The following KATNAL1 variants were observed in gnomAD, a reference collection of about 807,000 sequenced individuals.
KATNAL1 encodes katanin p60 ATPase-containing subunit A-like 1.
A neutral mutation model predicts 55.2 loss-of-function variants in KATNAL1; 32 were observed. That is an observed-to-expected ratio of 0.58 (90% CI 0.44 to 0.78). The LOEUF (loss-of-function observed/expected upper bound fraction) is 0.78, where lower values mean the gene tolerates loss of function less well. KATNAL1 is among the 30% of genes least tolerant of loss of function. The probability of loss-of-function intolerance (pLI) is 0.00; values close to 1 mark genes in which losing one functional copy is unlikely to be tolerated. For synonymous variants in KATNAL1, 193 were observed against 193.6 expected (o/e 1.00, Z 0.02); for missense variants, 466 against 600.9 (o/e 0.78, Z 2.35).
At chr13:30,233,854 A>T (rs1004818687) in intron 6 of KATNAL1, among the ~76,000 whole-genome samples, 1 of 152,232 alleles carries the variant, frequency 6.6e-6, no homozygotes, top group Non-Finnish European at 1.5e-5. Flanking sequence ...AAAAAGACAC[A>T]TATCACATGT....
chr13:30,261,532 C>A (rs1879285425), intron 3 of KATNAL1, among the ~76,000 whole-genome samples: 1 of 152,014 alleles, frequency 6.6e-6, no homozygotes, highest in Non-Finnish European at 1.5e-5. Context: ...ATCTACCAAG[C>A]AAATGGAAAA....
chr13:30,245,972 C>A (rs1262388734), intron 4 of KATNAL1, among the ~76,000 whole-genome samples: 1 of 152,132 alleles, frequency 6.6e-6, no homozygotes, highest in African/African-American at 2.4e-5. Flanking sequence ...CCATACTGCC[C>A]AACGTAATTT....
intron 9 of KATNAL1, among the ~76,000 whole-genome samples, chr13:30,220,727 C>G (rs2137367477): frequency 6.6e-6 from 1 of 151,830 alleles, no homozygotes; most frequent in East Asian, 1.9e-4. Context: ...GAGATGGAGT[C>G]TCACTCTGTC....
intron 2 of KATNAL1, among the ~76,000 whole-genome samples, chr13:30,280,511 A>C (rs950687564): frequency 3.3e-4 from 50 of 152,320 alleles, no homozygotes; most frequent in African/African-American, 1.2e-3. Flanking sequence ...ATTTAAAACA[A>C]GCAACTAAGT....
At chr13:30,250,683 A>G (rs769995806) in intron 4 of KATNAL1, among the ~76,000 whole-genome samples, 4 of 152,214 alleles carry the variant, frequency 2.6e-5, no homozygotes, top group Non-Finnish European at 4.4e-5. Context: ...GTTATGCACA[A>G]TTTAATGAAA....
intron 1 of KATNAL1, among the ~76,000 whole-genome samples, chr13:30,304,285 T>C (rs77679677): frequency 2.0e-5 from 3 of 147,222 alleles, no homozygotes; most frequent in Non-Finnish European, 3.1e-5. Flanking sequence ...TTTTTTTTTT[T>C]CCTGACACGG....
chr13:30,270,513 G>T (rs1164178501), intron 3 of KATNAL1, among the ~76,000 whole-genome samples: 1 of 152,224 alleles, frequency 6.6e-6, no homozygotes, highest in Non-Finnish European at 1.5e-5. Flanking sequence ...TGAGAAATCG[G>T]ATGGTTGCCG....
chr13:30,232,565 C>T (rs1291527439), intron 6 of KATNAL1, among the ~76,000 whole-genome samples: 1 of 152,160 alleles, frequency 6.6e-6, no homozygotes, highest in Non-Finnish European at 1.5e-5. Context: ...CCAATTGATG[C>T]TATAGGCATA....
chr13:30,259,284 G>A (rs1301127818), intron 3 of KATNAL1, among the ~76,000 whole-genome samples: 3 of 151,992 alleles, frequency 2.0e-5, no homozygotes, highest in Non-Finnish European at 4.4e-5. Flanking sequence ...AGGTTGCAGT[G>A]AGTTGAGATC....
At chr13:30,284,653 C>G (rs148467874) in intron 1 of KATNAL1, among the ~76,000 whole-genome samples, 102 of 152,308 alleles carry the variant, frequency 6.7e-4, no homozygotes, top group African/African-American at 2.4e-3. Context: ...ATTACACTCT[C>G]TGAACCCCAA....
Position 30,208,164 on chromosome 13 carries a change from G to T in KATNAL1, c.*376C>A. 1 of 160,114 alleles carries T rather than the reference G, an allele frequency of 6.2e-6. No homozygotes were observed. The highest frequency in any genetic ancestry group is 1.4e-5 in the Non-Finnish European group (1 of 73,632). The allele number at this position is 160,114 out of a possible 1,614,324, so 9.9% of individuals were successfully genotyped here. On this transcript the variant is annotated 3_prime_UTR_variant, in exon 11 of 11. Coordinates refer to ENST00000380615, the MANE Select transcript of KATNAL1 (RefSeq NM_032116.5). ...GTTAAAAGTCAACATACATAGATAG[G>T]TCCCTCATGTTGACAGAGCACAGAA...
chr13:30,262,170 C>T (rs1207402660), intron 3 of KATNAL1, among the ~76,000 whole-genome samples: 8 of 151,244 alleles, frequency 5.3e-5, no homozygotes, highest in East Asian at 3.9e-4. Flanking sequence ...TTGAAACCAA[C>T]GAGAACAAAG....
intron 5 of KATNAL1, 58 bp from the exon 6 acceptor site, chr13:30,240,623 A>G (rs1877170891): frequency 8.4e-7 from 1 of 1,188,290 alleles, no homozygotes; most frequent in Non-Finnish European, 1.2e-6. Context: ...ATTTATGGTC[A>G]AAACTAATTC....
rs1206441557 is a variant in KATNAL1 at position 30,208,412 on chromosome 13, A to G, written c.*128T>C. The G allele has an allele frequency of 1.3e-5, 9 of 705,624 alleles. No individual in the cohort carries two copies. Among genetic ancestry groups the G allele is most frequent in the Non-Finnish European group, 1.4e-5 (6 of 439,868 alleles). 43.7% of individuals were successfully genotyped at this position (705,624 alleles called of 1,614,324 possible). Reference sequence around the variant, plus strand: ...TACATTTAGTATTCTTCGCAGTTTTAGATTTTTTTTTCCTTTAAGCGAAAA... The same window carrying G: ...TACATTTAGTATTCTTCGCAGTTTTGGATTTTTTTTTCCTTTAAGCGAAAA... On this transcript the variant is annotated 3_prime_UTR_variant, in exon 11 of 11. Transcript: ENST00000380615.
At chr13:30,281,556 GTT>G (rs1881336036) in intron 2 of KATNAL1, among the ~76,000 whole-genome samples, 2 of 152,164 alleles carry the variant, frequency 1.3e-5, no homozygotes, top group Non-Finnish European at 2.9e-5. Context: ...CAAGTATATT[GTT>G]CTCAATCAAT....
chr13:30,244,707 T>C (rs763536341), intron 4 of KATNAL1, among the ~76,000 whole-genome samples: 1 of 152,098 alleles, frequency 6.6e-6, no homozygotes, highest in East Asian at 1.9e-4. Context: ...TAAAAAATGA[T>C]AAAACGGATA....
At chr13:30,306,967 G>C (rs1883223063) in intron 1 of KATNAL1, 1 of 152,380 alleles carries the variant, frequency 6.6e-6, no homozygotes, top group East Asian at 1.9e-4. Context: ...AACGCACAGA[G>C]CCCAGGTCCG....
At chr13:30,249,088 C>T (rs145826879) in intron 4 of KATNAL1, among the ~76,000 whole-genome samples, 2,838 of 151,956 alleles carry the variant, frequency 0.019, 37 homozygotes, top group Non-Finnish European at 0.031. Context: ...AAAAATTAGC[C>T]GGCTGTGGTG....
intron 3 of KATNAL1, among the ~76,000 whole-genome samples, chr13:30,274,905 GCGCACACACACACACACACACACA>G (rs1880702253): frequency 1.2e-5 from 1 of 84,310 alleles, no homozygotes; most frequent in South Asian, 3.7e-4. Flanking sequence ...GCGCGCGCGC[GCGCACACACACACACACACACACA>G]CACACACACA....
Sources: allele counts gnomAD v4.1 joint callset (sites outside exome capture counted in the v4.1 genomes callset), GRCh38; gene constraint gnomAD v4.1.1; transcripts MANE v1.5; gene names NCBI Gene and HGNC (gene_info 2026-07-23, HGNC 2026-07-21).